Variants in LYRM4 observed in about 807,000 individuals in gnomAD.
LYRM4 encodes the protein LYR motif containing 4.
A neutral mutation model predicts 11.7 loss-of-function variants in LYRM4; 9 were observed. The ratio of observed to expected loss-of-function variants is 0.77; its 90% CI spans 0.46 to 1.34. The LOEUF (loss-of-function observed/expected upper bound fraction) is 1.34, where lower values mean the gene tolerates loss of function less well. LYRM4 is among the 40% of genes most tolerant of loss of function. The probability of loss-of-function intolerance (pLI) is 0.00; values close to 1 mark genes in which losing one functional copy is unlikely to be tolerated. For missense variants in LYRM4, 133 were observed against 112.5 expected, an observed-to-expected ratio of 1.18 and a Z score of -0.82; for synonymous variants, 42 against 40.4, an observed-to-expected ratio of 1.04 and a Z score of -0.15.
At chr6:5,109,538 C>T (rs1213198123) in intron 2 of LYRM4, 47 bp from the exon 3 acceptor site, 9 of 1,569,868 alleles carry the variant, frequency 5.7e-6, no homozygotes, top group Admixed American at 1.7e-5. Context: ...GCCCTCTAGC[C>T]CCTGGGAAAG....
chr6:5,196,347 G>A (rs191734305), intron 2 of LYRM4, among the ~76,000 whole-genome samples: 52 of 152,322 alleles, frequency 3.4e-4, no homozygotes, highest in African/African-American at 1.2e-3. Context: ...AGATGATGGA[G>A]ACTCATGCCT....
chr6:5,182,151 T>C (rs549384440), intron 2 of LYRM4, among the ~76,000 whole-genome samples: 60 of 152,338 alleles, frequency 3.9e-4, no homozygotes, highest in Middle Eastern at 3.4e-3. Flanking sequence ...CTCCAGGTCC[T>C]GTAACTGCAG....
downstream of LYRM4, among the ~76,000 whole-genome samples, chr6:5,099,793 C>T (rs1762445517): frequency 6.6e-6 from 1 of 152,176 alleles, no homozygotes; most frequent in Admixed American, 6.5e-5. This position sits in a 1 kb window ranked among gnomAD's most constrained non-coding sequence, Gnocchi z 4.3. Context: ...AAGGTTGAGT[C>T]ATGTGCCAGG....
intron 2 of LYRM4, among the ~76,000 whole-genome samples, chr6:5,212,446 T>C (rs1762032611): frequency 6.6e-6 from 1 of 152,194 alleles, no homozygotes; most frequent in Non-Finnish European, 1.5e-5. Flanking sequence ...CTCAGACTGT[T>C]TGAGAGCTAT....
chr6:5,220,937 C>T (rs1762541907), intron 1 of LYRM4, among the ~76,000 whole-genome samples: 1 of 152,178 alleles, frequency 6.6e-6, no homozygotes, highest in African/African-American at 2.4e-5. Flanking sequence ...CTCAAACGAT[C>T]CTTCCGCCTC....
intron 1 of LYRM4, among the ~76,000 whole-genome samples, chr6:5,249,608 A>T (rs565556901): frequency 6.6e-6 from 1 of 152,360 alleles, no homozygotes; most frequent in African/African-American, 2.4e-5. Context: ...TATCACAGTG[A>T]TACATTATGT....
chr6:5,105,161 G>T (rs1049685798), downstream of LYRM4: 9 of 152,214 alleles, frequency 5.9e-5, no homozygotes, highest in African/African-American at 2.2e-4. Context: ...AGTGACTAAT[G>T]TAACAGTTAA....
chr6:5,231,888 A>T (rs1763263097), intron 1 of LYRM4, among the ~76,000 whole-genome samples: 1 of 152,196 alleles, frequency 6.6e-6, no homozygotes, highest in Non-Finnish European at 1.5e-5. Flanking sequence ...TGCATTACAT[A>T]ATTTATTTCT....
chr6:5,069,354 C>T, the LYRM4 span, among the ~76,000 whole-genome samples: 7 of 145,938 alleles, frequency 4.8e-5, no homozygotes, highest in South Asian at 2.2e-4. Context: ...GAGTAATAAA[C>T]ATCTACATGT....
downstream of LYRM4, among the ~76,000 whole-genome samples, chr6:5,100,867 C>G (rs1762477498): frequency 1.3e-5 from 2 of 152,226 alleles, no homozygotes; most frequent in Non-Finnish European, 1.5e-5. Flanking sequence ...ATCCTTTATT[C>G]TGTGTCTCCA....
chr6:5,121,364 TC>T (rs1462575392), intron 2 of LYRM4, among the ~76,000 whole-genome samples: 2 of 152,140 alleles, frequency 1.3e-5, no homozygotes, highest in Non-Finnish European at 2.9e-5. Flanking sequence ...ATGCGTGATT[TC>T]TATCTGCTGG....
the LYRM4 span, among the ~76,000 whole-genome samples, chr6:5,072,613 T>A: frequency 6.7e-6 from 1 of 150,344 alleles, no homozygotes; most frequent in Non-Finnish European, 1.5e-5. Flanking sequence ...AGTTTCACTC[T>A]CGTTGCCCAG....
At chr6:5,260,566 CG>C in intron 1 of LYRM4, 81 bp downstream of exon 1, 2 of 1,509,918 alleles carry the variant, frequency 1.3e-6, no homozygotes, top group Non-Finnish European at 1.8e-6. Context: ...TCCCAGTCCC[CG>C]GGGATATTCC....
At chr6:5,247,052 A>G (rs956406695) in intron 1 of LYRM4, among the ~76,000 whole-genome samples, 1 of 152,182 alleles carries the variant, frequency 6.6e-6, no homozygotes, top group Admixed American at 6.5e-5. Flanking sequence ...GGGTGCTGAG[A>G]CTGATGGTCA....
At chr6:5,197,546 G>A (rs1241819244) in intron 2 of LYRM4, among the ~76,000 whole-genome samples, 3 of 151,862 alleles carry the variant, frequency 2.0e-5, no homozygotes, top group Non-Finnish European at 4.4e-5. Flanking sequence ...ATGGTGGCGG[G>A]TGCCTGTAAT....
At chr6:5,098,636 A>G (rs1481023986), downstream of LYRM4, among the ~76,000 whole-genome samples, 1 of 152,216 alleles carries the variant, frequency 6.6e-6, no homozygotes, top group African/African-American at 2.4e-5. Context: ...AAAAGCTGGA[A>G]ACAATGCATG....
intron 2 of LYRM4, among the ~76,000 whole-genome samples, chr6:5,215,288 T>C (rs1332266327): frequency 6.6e-6 from 1 of 152,236 alleles, no homozygotes; most frequent in African/African-American, 2.4e-5. Flanking sequence ...TGTTCTTCTA[T>C]GCTCCACTGC....
intron 2 of LYRM4, among the ~76,000 whole-genome samples, chr6:5,134,926 A>C (rs585970): frequency 9.7e-6 from 1 of 102,652 alleles, no homozygotes; most frequent in African/African-American, 3.8e-5. Context: ...CACTCCTGGG[A>C]CTGTGGAGGG....
the LYRM4 span, among the ~76,000 whole-genome samples, chr6:5,096,929 T>A: frequency 8.4e-6 from 1 of 118,442 alleles, no homozygotes; most frequent in Non-Finnish European, 1.9e-5. Flanking sequence ...ATAGTAGCCC[T>A]GAGTGTGCTA....
Sources: gnomAD v4.1 joint callset for allele counts (sites outside exome capture counted in the v4.1 genomes callset) on GRCh38, gnomAD v4.1.1 for gene constraint, Gnocchi (gnomAD v3.1) non-coding constraint, MANE v1.5 for transcripts, NCBI Gene and HGNC (gene_info 2026-07-23, HGNC 2026-07-21) for gene names.